The following SPIDR variants were observed in gnomAD, a reference collection of about 807,000 sequenced individuals.
The protein encoded by SPIDR is scaffold protein involved in DNA repair.
Under a neutral mutation model 104.6 loss-of-function variants are expected in SPIDR, and 93 were observed. The ratio of observed to expected loss-of-function variants is 0.89; its 90% CI spans 0.75 to 1.06. The LOEUF is 1.06. Among genes scored for constraint, SPIDR ranks in the 50% least tolerant of loss-of-function variants. The pLI is 0.00. For synonymous variants in SPIDR, 431 were observed against 416.9 expected (o/e 1.03, Z -0.41); for missense variants, 1,154 against 1,111.2 (o/e 1.04, Z -0.55).
chr8:47,322,598 A>G (rs2046885590), intron 5 of SPIDR, among the ~76,000 whole-genome samples: 1 of 152,228 alleles, frequency 6.6e-6, no homozygotes, highest in Admixed American at 6.5e-5. Context: ...GTATATACCC[A>G]AAGGATTATA....
At chr8:47,490,508 A>G (rs1394587426) in intron 8 of SPIDR, among the ~76,000 whole-genome samples, 1 of 152,232 alleles carries the variant, frequency 6.6e-6, no homozygotes, top group African/African-American at 2.4e-5. Flanking sequence ...ATATACCGAA[A>G]GGATTATGAA....
At chr8:47,540,953 A>T (rs2087996432) in intron 8 of SPIDR, among the ~76,000 whole-genome samples, 1 of 152,054 alleles carries the variant, frequency 6.6e-6, no homozygotes, top group Admixed American at 6.6e-5. Context: ...TCTACTTCTC[A>T]GGTTCATGCG....
At chr8:47,487,110 G>C (rs535592792) in intron 8 of SPIDR, among the ~76,000 whole-genome samples, 251 of 152,304 alleles carry the variant, frequency 1.6e-3, no homozygotes, top group African/African-American at 5.8e-3. Flanking sequence ...AGACCCATCT[G>C]ATGTGCAGAG....
At chr8:47,609,876 A>G (rs1297450026) in intron 10 of SPIDR, among the ~76,000 whole-genome samples, 2 of 152,160 alleles carry the variant, frequency 1.3e-5, no homozygotes, top group African/African-American at 4.8e-5. Context: ...TTTCCTATAT[A>G]TTAAACCAGT....
At chr8:47,605,260 C>G (rs938008217) in intron 10 of SPIDR, among the ~76,000 whole-genome samples, 1 of 152,048 alleles carries the variant, frequency 6.6e-6, no homozygotes, top group African/African-American at 2.4e-5. Context: ...GGGAGGGGAC[C>G]CATAGTACTG....
intron 10 of SPIDR, among the ~76,000 whole-genome samples, chr8:47,658,492 C>T (rs1288881723): frequency 2.6e-5 from 4 of 151,920 alleles, no homozygotes; most frequent in Non-Finnish European, 5.9e-5. Context: ...GTTGTGTCAG[C>T]GGTTTTATTT....
chr8:47,434,287 A>AT (rs1213329908), intron 7 of SPIDR, among the ~76,000 whole-genome samples: 4 of 151,990 alleles, frequency 2.6e-5, no homozygotes, highest in Non-Finnish European at 5.9e-5. Flanking sequence ...CTTGCTCATG[A>AT]TTCTCTGTGT....
At chr8:47,446,902 G>T (rs1309544782) in intron 8 of SPIDR, among the ~76,000 whole-genome samples, 1 of 152,066 alleles carries the variant, frequency 6.6e-6, no homozygotes, top group African/African-American at 2.4e-5. Flanking sequence ...AAGGGTCTGG[G>T]CAAAGTAAAC....
intron 8 of SPIDR, among the ~76,000 whole-genome samples, chr8:47,554,924 T>C (rs953417404): frequency 6.6e-5 from 10 of 152,222 alleles, no homozygotes; most frequent in Non-Finnish European, 1.5e-4. Flanking sequence ...AGTTAAATTT[T>C]CAAAAGCAGG....
intron 8 of SPIDR, among the ~76,000 whole-genome samples, chr8:47,549,826 A>G (rs903885058): frequency 2.6e-5 from 4 of 152,152 alleles, no homozygotes; most frequent in African/African-American, 4.8e-5. Flanking sequence ...TGTTTTAGTC[A>G]TGGAGTCCTT....
intron 6 of SPIDR, among the ~76,000 whole-genome samples, chr8:47,399,871 A>T (rs2061656116): frequency 6.6e-6 from 1 of 152,184 alleles, no homozygotes; most frequent in Admixed American, 6.5e-5. Flanking sequence ...TTACAGAGTA[A>T]CGCTACTAGA....
At chr8:47,295,508 G>T (rs1206437491) in intron 5 of SPIDR, among the ~76,000 whole-genome samples, 1 of 152,008 alleles carries the variant, frequency 6.6e-6, no homozygotes, top group East Asian at 1.9e-4. Flanking sequence ...CCACAATTCT[G>T]TGAGTTCTAC....
intron 10 of SPIDR, among the ~76,000 whole-genome samples, chr8:47,613,917 A>G (rs867170792): frequency 4.6e-5 from 7 of 152,092 alleles, no homozygotes; most frequent in African/African-American, 1.4e-4. Context: ...GCTTTGTTAC[A>G]TAGGTAAATG....
intron 14 of SPIDR, among the ~76,000 whole-genome samples, chr8:47,706,187 T>C (rs1454510992): frequency 6.6e-6 from 1 of 151,902 alleles, no homozygotes; most frequent in Non-Finnish European, 1.5e-5. Flanking sequence ...GGTCAGGAGA[T>C]TGAGACCATC....
chr8:47,368,820 A>T (rs2057603051), intron 5 of SPIDR, among the ~76,000 whole-genome samples: 1 of 152,204 alleles, frequency 6.6e-6, no homozygotes, highest in Admixed American at 6.5e-5. Flanking sequence ...TCTGGGCACG[A>T]TTTTTAAAAA....
chr8:47,677,709 T>G (rs950129635), intron 11 of SPIDR, among the ~76,000 whole-genome samples: 1 of 152,250 alleles, frequency 6.6e-6, no homozygotes, highest in Admixed American at 6.5e-5. Context: ...CAGGCAGAAG[T>G]ATTAGAGTAG....
At chr8:47,463,749 T>C (rs1372679177) in intron 8 of SPIDR, among the ~76,000 whole-genome samples, 1 of 151,934 alleles carries the variant, frequency 6.6e-6, no homozygotes, top group Non-Finnish European at 1.5e-5. Flanking sequence ...ATTAATGGAG[T>C]GAAGGAGAAA....
At chr8:47,340,212 G>C (rs1587298665) in intron 5 of SPIDR, among the ~76,000 whole-genome samples, 1 of 152,098 alleles carries the variant, frequency 6.6e-6, no homozygotes, top group South Asian at 2.1e-4. Flanking sequence ...TGTGCTTTAG[G>C]GGCATTTTGT....
At chr8:47,636,711 G>A (rs2067982675) in intron 10 of SPIDR, among the ~76,000 whole-genome samples, 1 of 151,780 alleles carries the variant, frequency 6.6e-6, no homozygotes, top group Non-Finnish European at 1.5e-5. Flanking sequence ...TGCTACTTGG[G>A]AAGCTGAGGT....
Sources: gnomAD v4.1 joint callset for allele counts (sites outside exome capture counted in the v4.1 genomes callset) on GRCh38, gnomAD v4.1.1 for gene constraint, MANE v1.5 for transcripts, NCBI Gene and HGNC (gene_info 2026-07-23, HGNC 2026-07-21) for gene names.